PLEKHG3: variants seen among roughly 807,000 people sequenced by gnomAD.
PLEKHG3 encodes pleckstrin homology domain-containing family G member 3.
PLEKHG3 carries 62 observed loss-of-function variants against 94.9 expected under a neutral mutation model. The observed-to-expected ratio is 0.65, with a 90% CI of 0.53 to 0.81. The LOEUF (loss-of-function observed/expected upper bound fraction) is 0.81, where lower values mean the gene tolerates loss of function less well. Ranked by LOEUF, PLEKHG3 falls within the 30% of genes least tolerant of loss-of-function variation. The probability of loss-of-function intolerance (pLI) is 0.00; values close to 1 mark genes in which losing one functional copy is unlikely to be tolerated. For missense variants in PLEKHG3, 1,461 were observed against 1,619.3 expected (o/e 0.90, Z 1.68); for synonymous variants, 614 against 654.0 (o/e 0.94, Z 0.93).
rs1566718186 is a variant in PLEKHG3 at position 64,741,942 on chromosome 14, CG to C, written c.2426del (p.Arg809ProfsTer7). 6.3e-7 allele frequency: 1 copy of C among 1,579,874 alleles called. No homozygotes were observed. Among genetic ancestry groups the C allele is most frequent in the Non-Finnish European group, 8.6e-7 (1 of 1,164,984 alleles). ...ACCTCCCATCTCAGATGCTGAGTTC[CG>C]CCCATCTTCAGAAATTGTGAAGATC... ...DPPPISDAEF[R>X]PSSEIVKIWE... On this transcript the variant is annotated frameshift_variant, in exon 16 of 17. Coordinates refer to ENST00000247226, the MANE Select transcript of PLEKHG3 (RefSeq NM_001308147.2). LOFTEE classifies it high-confidence loss of function.
rs1396424551 is a variant in PLEKHG3 at position 64,723,626 on chromosome 14, G to A, written c.-39-3967G>A. Among the ~76,000 whole-genome samples the A allele has an allele frequency of 6.6e-6, 1 of 152,034 alleles. No homozygotes were observed. The highest frequency in any genetic ancestry group is 1.5e-5 in the Non-Finnish European group (1 of 68,012). ...AGCGATTCTTCTGCCTCAGCCCCCC[G>A]AGTAGCTGGGATTACAGGCACCTGC... On this transcript the variant is annotated intron_variant, in intron 1 of 16. Coordinates refer to ENST00000247226, the MANE Select transcript of PLEKHG3 (RefSeq NM_001308147.2). This position sits in a 1 kb window ranked among gnomAD's most constrained non-coding sequence, Gnocchi z 4.5.
At position 64,727,766 on chromosome 14, in the gene PLEKHG3, C is replaced by T. The variant is rs1412330492; in HGVS notation, c.135C>T (p.Pro45=). ...AGGAGCCCAGCAGCTCCGAGGCTCCCGCCAAGAATGGGGCAGGCTCCCTGA... is the reference window on the plus strand; with the variant it reads ...AGGAGCCCAGCAGCTCCGAGGCTCCTGCCAAGAATGGGGCAGGCTCCCTGA... ...AMEEPSSSEA[P]AKNGAGSLRS... Residue 45 remains proline, a synonymous_variant, in exon 2 of 17, where the codon CCC becomes CCT. Transcript: ENST00000247226. The surrounding 1 kb of genome is among the most constrained non-coding windows in gnomAD (Gnocchi z 6.0). 27 of 1,611,520 alleles carry T rather than the reference C, an allele frequency of 1.7e-5. No individual in the cohort carries two copies. The highest frequency in any genetic ancestry group is 6.7e-5 in the African/African-American group (5 of 74,898).
chr14:64,730,119 C>T lies in PLEKHG3; in HGVS notation c.450-124C>T. 1.6e-6 allele frequency: 1 copy of T among 621,752 alleles called. No individual in the cohort carries two copies. Among genetic ancestry groups the T allele is most frequent in the Non-Finnish European group, 2.9e-6 (1 of 346,604 alleles). The allele number at this position is 621,752 out of a possible 1,614,324, so 38.5% of individuals were successfully genotyped here. A position where few individuals can be genotyped will look rare whatever the true frequency, so the allele number is the denominator to read the frequency against. The stretch of plus-strand genomic sequence containing the variant: ...CAGGACTCCCTCTGAGGCTAGAAGC[C>T]CCAGTTCTTTAGCAAAGCAATAGGG... On this transcript the variant is annotated intron_variant, in intron 3 of 16. Transcript: ENST00000247226. The surrounding 1 kb of genome is among the most constrained non-coding windows in gnomAD (Gnocchi z 5.4).
chr14:64,719,692 C>T (rs1317669651), intron 1 of PLEKHG3, among the ~76,000 whole-genome samples: 5 of 152,070 alleles, frequency 3.3e-5, no homozygotes, highest in African/African-American at 1.2e-4. Flanking sequence ...TGGTTCCCAC[C>T]GAGATTCTCC....
Position 64,750,088 on chromosome 14 carries a change from G to A in PLEKHG3, c.*6385G>A, listed in dbSNP as rs754553428. On this transcript the variant is annotated 3_prime_UTR_variant, in exon 17 of 17. Transcript: ENST00000247226. ...CATGGTAGGGCATCCCCAGGGCCAG[G>A]TTCTTGGCATCCTTGTAGAAGGTTA... The A allele has an allele frequency of 6.2e-7, 1 of 1,614,210 alleles. No homozygotes were observed. The highest frequency in any genetic ancestry group is 1.1e-5 in the South Asian group (1 of 91,090).
chr14:64,749,795 A>C lies in PLEKHG3; in HGVS notation c.*6092A>C. On this transcript the variant is annotated 3_prime_UTR_variant, in exon 17 of 17. Transcript: ENST00000247226. The surrounding 1 kb of genome is among the most constrained non-coding windows in gnomAD (Gnocchi z 4.7). The stretch of plus-strand genomic sequence containing the variant: ...CCACAATACCCTGAGCCGAACATCC[A>C]GACCCCTCTCAGGCAGCCCAGCACT... 6.5e-7 allele frequency: 1 copy of C among 1,532,418 alleles called. No individual in the cohort carries two copies. The highest frequency in any genetic ancestry group is 8.9e-7 in the Non-Finnish European group (1 of 1,120,250). 94.9% of individuals were successfully genotyped at this position (1,532,418 alleles called of 1,614,324 possible). A position where few individuals can be genotyped will look rare whatever the true frequency, so the allele number is the denominator to read the frequency against.
chr14:64,735,245 C>A (rs2081548424), intron 12 of PLEKHG3, among the ~76,000 whole-genome samples: 1 of 152,178 alleles, frequency 6.6e-6, no homozygotes, highest in African/African-American at 2.4e-5. Flanking sequence ...TTCTGTAACA[C>A]TGAAGTATTT....
chr14:64,710,716 C>T (rs2081055168), intron 1 of PLEKHG3, among the ~76,000 whole-genome samples: 1 of 151,468 alleles, frequency 6.6e-6, no homozygotes, highest in South Asian at 2.1e-4. Flanking sequence ...AAGAAACAAG[C>T]ATAGAGGGGG....
Position 64,743,293 on chromosome 14 carries a change from G to T in PLEKHG3, c.3250G>T (p.Glu1084Ter). 1 of 1,608,208 alleles carries T rather than the reference G, an allele frequency of 6.2e-7. No homozygotes were observed. Among genetic ancestry groups the T allele is most frequent in the East Asian group, 2.2e-5 (1 of 44,860 alleles). The change falls in exon 17 of 17, where the codon GAG becomes TAG. Residue 1084 changes from glutamate to a stop codon, truncating the protein, a stop_gained. Transcript: ENST00000247226. LOFTEE classifies it low-confidence loss of function (END_TRUNC). The surrounding 1 kb of genome is among the most constrained non-coding windows in gnomAD (Gnocchi z 7.2). ...PPVNRSHSVP[E>*]NMVEPPLSGR... Reference sequence around the variant, plus strand: ...CGTCAACAGGAGCCACTCGGTGCCGGAGAACATGGTAGAGCCACCTCTGTC... The same window carrying T: ...CGTCAACAGGAGCCACTCGGTGCCGTAGAACATGGTAGAGCCACCTCTGTC...
intron 1 of PLEKHG3, among the ~76,000 whole-genome samples, chr14:64,713,269 A>G (rs1189695223): frequency 1.3e-5 from 2 of 152,086 alleles, no homozygotes; most frequent in Non-Finnish European, 2.9e-5. Context: ...TTTTTCTGAT[A>G]TCTTGTCTGG....
chr14:64,727,758 G>C lies in PLEKHG3; in HGVS notation c.127G>C (p.Glu43Gln). 6.2e-7 allele frequency: 1 copy of C among 1,611,296 alleles called. No individual in the cohort carries two copies. The highest frequency in any genetic ancestry group is 8.5e-7 in the Non-Finnish European group (1 of 1,178,470). Reference sequence around the variant, plus strand: ...TGCCATGGAGGAGCCCAGCAGCTCCGAGGCTCCCGCCAAGAATGGGGCAGG... The same window carrying C: ...TGCCATGGAGGAGCCCAGCAGCTCCCAGGCTCCCGCCAAGAATGGGGCAGG... The part of the protein sequence containing the change: ...RSAMEEPSSS[E>Q]APAKNGAGSL... Residue 43 changes from glutamate (E) to glutamine (Q), a missense_variant, in exon 2 of 17, where the codon GAG becomes CAG. Transcript: ENST00000247226. This position sits in a 1 kb window ranked among gnomAD's most constrained non-coding sequence, Gnocchi z 6.0.
At chr14:64,709,238 G>T (rs955617400) in intron 1 of PLEKHG3, among the ~76,000 whole-genome samples, 6 of 152,198 alleles carry the variant, frequency 3.9e-5, no homozygotes, top group African/African-American at 1.4e-4. Context: ...CACCCTTAGA[G>T]TAATCTGGGC....
chr14:64,705,116 C>T (rs1403044015), intron 1 of PLEKHG3, among the ~76,000 whole-genome samples: 1 of 152,206 alleles, frequency 6.6e-6, no homozygotes, highest in Admixed American at 6.5e-5. Context: ...CGGCTCCTGC[C>T]AGCCCCGGAG....
At position 64,749,181 on chromosome 14, in the gene PLEKHG3, CGGGGGCCCGGCCCGCG is replaced by C; in HGVS notation, c.*5479_*5494del. 8.2e-7 allele frequency: 1 copy of C among 1,225,346 alleles called. No individual in the cohort carries two copies. 75.9% of individuals were successfully genotyped at this position (1,225,346 alleles called of 1,614,324 possible). Reference sequence around the variant, plus strand: ...AGCTTTTGCAGTGCAGCGTGGGGCCCGGGGGCCCGGCCCGCGACTCGACTCATCTCGATTCGACCGG... The same window carrying C: ...AGCTTTTGCAGTGCAGCGTGGGGCCCACTCGACTCATCTCGATTCGACCGG... On this transcript the variant is annotated 3_prime_UTR_variant, in exon 17 of 17. Coordinates refer to ENST00000247226, the MANE Select transcript of PLEKHG3 (RefSeq NM_001308147.2). This position sits in a 1 kb window ranked among gnomAD's most constrained non-coding sequence, Gnocchi z 4.7.
intron 1 of PLEKHG3, among the ~76,000 whole-genome samples, chr14:64,724,550 T>C (rs1283525150): frequency 6.6e-6 from 1 of 152,220 alleles, no homozygotes; most frequent in Admixed American, 6.5e-5. Context: ...ACCGGGAATC[T>C]GTATTTTACC....
At position 64,709,366 on chromosome 14, in the gene PLEKHG3, A is replaced by T. The variant is rs2081030593; in HGVS notation, c.-40+4662A>T. 2.0e-5 allele frequency among the ~76,000 whole-genome samples: 3 copies of T among 152,124 alleles called. No individual in the cohort carries two copies. The South Asian group carries it at 6.2e-4, about 32-fold the overall frequency. On this transcript the variant is annotated intron_variant, in intron 1 of 16. Transcript: ENST00000247226. The stretch of plus-strand genomic sequence containing the variant: ...ATCTGGGAATGCAAGCACTAGGGAG[A>T]AGAGGGCTTTATACAGTTCTGGCGG...
Position 64,732,272 on chromosome 14 carries a change from T to C in PLEKHG3, c.1212+91T>C. The C allele has an allele frequency of 2.2e-6, 3 of 1,334,700 alleles. No individual in the cohort carries two copies. The highest frequency in any genetic ancestry group is 3.2e-6 in the Non-Finnish European group (3 of 927,270). 82.7% of individuals were successfully genotyped at this position (1,334,700 alleles called of 1,614,324 possible). A position where few individuals can be genotyped will look rare whatever the true frequency, so the allele number is the denominator to read the frequency against. On this transcript the variant is annotated intron_variant, in intron 10 of 16. Coordinates refer to ENST00000247226, the MANE Select transcript of PLEKHG3 (RefSeq NM_001308147.2). This position sits in a 1 kb window ranked among gnomAD's most constrained non-coding sequence, Gnocchi z 4.9. ...TCCATTGGGGGCTCACCTTCTGGATTTGGGCTCCAGTGGACAGTGAGTGTC... is the reference window on the plus strand; with the variant it reads ...TCCATTGGGGGCTCACCTTCTGGATCTGGGCTCCAGTGGACAGTGAGTGTC...
In PLEKHG3 at chr14:64,731,302, G is replaced by A; in HGVS notation, c.850-59G>A. On this transcript the variant is annotated intron_variant, in intron 7 of 16. Transcript: ENST00000247226. The surrounding 1 kb of genome is among the most constrained non-coding windows in gnomAD (Gnocchi z 6.1). ...TGGGGGAGCCTTTGTGGCAGGGTTTGCAGAGCCTCCTAAGGCCCCAGTGGC... is the reference window on the plus strand; with the variant it reads ...TGGGGGAGCCTTTGTGGCAGGGTTTACAGAGCCTCCTAAGGCCCCAGTGGC... 6.6e-7 allele frequency: 1 copy of A among 1,513,780 alleles called. No homozygotes were observed. The highest frequency in any genetic ancestry group is 1.7e-5 in the Admixed American group (1 of 58,922). The allele number at this position is 1,513,780 out of a possible 1,614,324, so 93.8% of individuals were successfully genotyped here. A position where few individuals can be genotyped will look rare whatever the true frequency, so the allele number is the denominator to read the frequency against.
rs1402634705 is a variant in PLEKHG3, at chr14:64,732,762, A to G, written c.1247-41A>G. ...CAGGGTCTAGGGTAGGCCAAGGCCA[A>G]TTGGGAATCAAAAGCTTGATCGTCT... On this transcript the variant is annotated intron_variant, in intron 11 of 16. Transcript: ENST00000247226. The surrounding 1 kb of genome is among the most constrained non-coding windows in gnomAD (Gnocchi z 4.9). 4.7e-6 allele frequency: 7 copies of G among 1,498,474 alleles called. No individual in the cohort carries two copies. Among genetic ancestry groups the G allele is most frequent in the Admixed American group, 1.9e-5 (1 of 52,082 alleles). 92.8% of individuals were successfully genotyped at this position (1,498,474 alleles called of 1,614,324 possible). A position where few individuals can be genotyped will look rare whatever the true frequency, so the allele number is the denominator to read the frequency against.
Sources: allele counts gnomAD v4.1 joint callset (sites outside exome capture counted in the v4.1 genomes callset), GRCh38; gene constraint gnomAD v4.1.1; non-coding constraint Gnocchi (gnomAD v3.1); transcripts MANE v1.5; gene names NCBI Gene and HGNC (gene_info 2026-07-23, HGNC 2026-07-21).